The following PHACTR3 variants were observed in gnomAD, a reference collection of about 807,000 sequenced individuals.
PHACTR3 encodes protein phosphatase 1, regulatory subunit 123.
In PHACTR3, 16 loss-of-function variants were observed where a neutral mutation model predicts 66.8. That is an observed-to-expected ratio of 0.24 (90% confidence interval 0.16 to 0.36). The LOEUF is 0.36. PHACTR3 is among the 10% of genes least tolerant of loss of function. The probability of loss-of-function intolerance (pLI) is 1.00; values close to 1 mark genes in which losing one functional copy is unlikely to be tolerated. For synonymous variants in PHACTR3, 323 were observed against 292.1 expected (o/e 1.11, Z -1.08); for missense variants, 647 against 719.9 (o/e 0.90, Z 1.16).
intron 1 of PHACTR3, among the ~76,000 whole-genome samples, chr20:59,674,267 C>G (rs1191282443): frequency 6.6e-6 from 1 of 150,760 alleles, no homozygotes. Flanking sequence ...CTAACGCCCC[C>G]AGAATGTTCA....
intron 1 of PHACTR3, among the ~76,000 whole-genome samples, chr20:59,638,315 C>T (rs1026882011): frequency 2.0e-5 from 3 of 152,114 alleles, no homozygotes; most frequent in African/African-American, 7.2e-5. Flanking sequence ...CATCCCTTAT[C>T]TATGCCTTAT....
chr20:59,755,532 G>A (rs139364640), intron 4 of PHACTR3, among the ~76,000 whole-genome samples, 168 bp downstream of exon 4: 1 of 152,348 alleles, frequency 6.6e-6, no homozygotes, highest in African/African-American at 2.4e-5. Context: ...CTGGGTTGAA[G>A]TGTTTGCTGG....
chr20:59,635,101 CTCTT>C (rs1357018312), intron 1 of PHACTR3, among the ~76,000 whole-genome samples: 5,212 of 92,654 alleles, frequency 0.056, 408 homozygotes, highest in Middle Eastern at 0.072. Flanking sequence ...TTCTTTCTCT[CTCTT>C]TCTTTCTTTC....
chr20:59,658,930 T>C (rs985708476), intron 1 of PHACTR3, among the ~76,000 whole-genome samples: 1 of 151,930 alleles, frequency 6.6e-6, no homozygotes, highest in Non-Finnish European at 1.5e-5. Context: ...CAGCCTTCTA[T>C]ACCTGTTTTC....
intron 1 of PHACTR3, among the ~76,000 whole-genome samples, chr20:59,635,198 T>TTC (rs2034844805): frequency 9.0e-6 from 1 of 111,054 alleles, no homozygotes; most frequent in African/African-American, 3.5e-5. Flanking sequence ...TTCTTTCTCT[T>TTC]TCTTTCTTTC....
chr20:59,823,347 A>G (rs1341582612), intron 8 of PHACTR3, among the ~76,000 whole-genome samples: 1 of 152,086 alleles, frequency 6.6e-6, no homozygotes, highest in Non-Finnish European at 1.5e-5. Context: ...GCTCGGGGTG[A>G]GCTGGAACCT....
intron 1 of PHACTR3, among the ~76,000 whole-genome samples, chr20:59,605,855 AGGTGGGGGGGGG>A (rs1043010161): frequency 2.3e-4 from 2 of 8,834 alleles, no homozygotes; most frequent in African/African-American, 1.3e-3. Context: ...GCGGGGGGGG[AGGTGGGGGGGGG>A]GGTGGGCTGT....
At chr20:59,752,559 T>TCCTGCAAGAACTCCTTGCAGAAAA (rs2039632604) in intron 3 of PHACTR3, among the ~76,000 whole-genome samples, 1 of 148,770 alleles carries the variant, frequency 6.7e-6, no homozygotes, top group Non-Finnish European at 1.5e-5. Context: ...CCCAGAGAAG[T>TCCTGCAAGAACTCCTTGCAGAAAA]CCTGCAAGAA....
chr20:59,587,617 G>C (rs2146307349), intron 1 of PHACTR3, among the ~76,000 whole-genome samples: 1 of 152,360 alleles, frequency 6.6e-6, no homozygotes, highest in South Asian at 2.1e-4. Context: ...CAGCAGCGCT[G>C]TGCTGTTTGC....
chr20:59,756,453 G>A (rs76422984), intron 4 of PHACTR3, among the ~76,000 whole-genome samples: 3,394 of 152,236 alleles, frequency 0.022, 58 homozygotes, highest in Non-Finnish European at 0.035. Context: ...CCACACACTC[G>A]CAGGCCGCCC....
intron 8 of PHACTR3, among the ~76,000 whole-genome samples, chr20:59,813,367 G>C (rs2041793566): frequency 6.6e-6 from 1 of 151,924 alleles, no homozygotes; most frequent in South Asian, 2.2e-4. Flanking sequence ...TTAATCCATG[G>C]CTGCTGGGAT....
intron 1 of PHACTR3, among the ~76,000 whole-genome samples, chr20:59,588,296 T>C (rs1275873604): frequency 6.6e-6 from 1 of 152,290 alleles, no homozygotes; most frequent in Non-Finnish European, 1.5e-5. Context: ...AAAGACCCGG[T>C]TGAATATAGT....
At chr20:59,714,358 A>G (rs188307449) in intron 1 of PHACTR3, among the ~76,000 whole-genome samples, 251 of 152,290 alleles carry the variant, frequency 1.6e-3, no homozygotes, top group African/African-American at 5.9e-3. Flanking sequence ...ATCAGAATTA[A>G]TTTTATGTAT....
At chr20:59,691,413 A>C (rs2037101858) in intron 1 of PHACTR3, among the ~76,000 whole-genome samples, 1 of 152,186 alleles carries the variant, frequency 6.6e-6, no homozygotes, top group Admixed American at 6.5e-5. Context: ...ATTGAATGAT[A>C]ATCGCTTTTC....
intron 1 of PHACTR3, among the ~76,000 whole-genome samples, chr20:59,691,034 G>A (rs561944100): frequency 2.0e-5 from 3 of 152,134 alleles, no homozygotes; most frequent in Non-Finnish European, 2.9e-5. Flanking sequence ...AATGAAAGAA[G>A]CAAGGGCCAG....
chr20:59,778,006 T>C (rs1246351953), intron 7 of PHACTR3, among the ~76,000 whole-genome samples: 1 of 152,198 alleles, frequency 6.6e-6, no homozygotes, highest in Non-Finnish European at 1.5e-5. Context: ...TTTCAATCAA[T>C]ACATCTAAGC....
chr20:59,759,066 C>T (rs2039906981), intron 4 of PHACTR3, among the ~76,000 whole-genome samples: 1 of 152,190 alleles, frequency 6.6e-6, no homozygotes, highest in East Asian at 1.9e-4. Flanking sequence ...GAAAGGGACG[C>T]ACTAACACGC....
intron 7 of PHACTR3, among the ~76,000 whole-genome samples, chr20:59,797,250 T>G (rs929032487): frequency 1.3e-5 from 2 of 152,208 alleles, no homozygotes; most frequent in African/African-American, 4.8e-5. Flanking sequence ...TTTCATTGAA[T>G]TTTCTACTGT....
intron 2 of PHACTR3, among the ~76,000 whole-genome samples, chr20:59,743,755 G>A (rs1427856203): frequency 6.6e-6 from 1 of 152,374 alleles, no homozygotes; most frequent in East Asian, 1.9e-4. Context: ...TTGGCCAAGA[G>A]CCTCCTGGGT....
Sources: allele counts gnomAD v4.1 joint callset (sites outside exome capture counted in the v4.1 genomes callset), GRCh38; gene constraint gnomAD v4.1.1; transcripts MANE v1.5; gene names NCBI Gene and HGNC (gene_info 2026-07-23, HGNC 2026-07-21).